Variants in HERC2 observed in about 807,000 individuals in gnomAD.
HERC2 encodes E3 ubiquitin-protein ligase HERC2.
In HERC2, 102 loss-of-function variants were observed where a neutral mutation model predicts 537.7. That is an observed-to-expected ratio of 0.19 (90% CI 0.16 to 0.22). HERC2 has a LOEUF of 0.22. Among genes scored for constraint, HERC2 ranks in the 10% least tolerant of loss-of-function variants. HERC2 has a pLI of 1.00. For synonymous variants in HERC2, 2,224 were observed against 2,466.2 expected, an observed-to-expected ratio of 0.90 and a Z score of 2.91; for missense variants, 4,236 against 6,198.2, an observed-to-expected ratio of 0.68 and a Z score of 10.63.
At chr15:28,126,506 A>G (rs1020972373) in intron 83 of HERC2, among the ~76,000 whole-genome samples, 6 of 152,262 alleles carry the variant, frequency 3.9e-5, no homozygotes, top group Non-Finnish European at 8.8e-5. Context: ...CAATGAGTGG[A>G]TAAAGAAAAT....
At chr15:28,248,412 A>G (rs1903932804) in intron 21 of HERC2, 140 bp downstream of exon 21, 2 of 584,448 alleles carry the variant, frequency 3.4e-6, no homozygotes, top group Non-Finnish European at 6.0e-6. Flanking sequence ...AAAAAAGTGG[A>G]TGCAAAATGA....
intron 2 of HERC2, among the ~76,000 whole-genome samples, chr15:28,319,812 AT>A (rs1334632940): frequency 3.9e-5 from 6 of 152,312 alleles, no homozygotes; most frequent in African/African-American, 1.4e-4. Context: ...TTAAATTACA[AT>A]TATTAAGAAA....
chr15:28,225,937 A>T (rs181379122), intron 35 of HERC2, among the ~76,000 whole-genome samples: 25 of 152,320 alleles, frequency 1.6e-4, no homozygotes, highest in African/African-American at 5.3e-4. Flanking sequence ...AAGTAAAGAG[A>T]TTGAATCAGT....
chr15:28,139,483 G>A (rs1472846153), intron 78 of HERC2, among the ~76,000 whole-genome samples: 7 of 152,176 alleles, frequency 4.6e-5, no homozygotes, highest in African/African-American at 7.2e-5. Context: ...ATCCTTGCTC[G>A]GACAGCCTCA....
At position 28,196,557 on chromosome 15, in the gene HERC2, T is replaced by A; in HGVS notation, c.8024A>T (p.Asn2675Ile). 6.2e-7 allele frequency: 1 copy of A among 1,609,230 alleles called. No individual in the cohort carries two copies. The highest frequency in any genetic ancestry group is 1.1e-5 in the South Asian group (1 of 90,932). The change falls in exon 51 of 93, where the codon AAT becomes ATT. Residue 2675 changes from asparagine (N) to isoleucine (I), a missense_variant. Transcript: ENST00000261609. The stretch of plus-strand genomic sequence containing the variant: ...AAAGTCGACAATGATATCTTTTCCA[T>A]TGGCACTGAAAGCTAGGACAGAACA... Reference protein sequence around the residue: ...SVGVVKAFSANGKDIIVDFPQ... With the variant: ...SVGVVKAFSAIGKDIIVDFPQ...
intron 4 of HERC2, among the ~76,000 whole-genome samples, chr15:28,290,991 A>AAAAC: frequency 6.6e-6 from 1 of 152,352 alleles, no homozygotes; most frequent in African/African-American, 2.4e-5. Flanking sequence ...AATGAAAAAG[A>AAAAC]AAACAAAATC....
At chr15:28,225,692 G>A (rs1184733761) in intron 35 of HERC2, among the ~76,000 whole-genome samples, 10 of 111,346 alleles carry the variant, frequency 9.0e-5, no homozygotes, top group South Asian at 3.0e-4. Context: ...GCAAGACTCC[G>A]TCTCAAAAAA....
chr15:28,121,037 C>T (rs1437076372), intron 86 of HERC2, among the ~76,000 whole-genome samples: 1 of 152,232 alleles, frequency 6.6e-6, no homozygotes, highest in Non-Finnish European at 1.5e-5. Flanking sequence ...CCCAATGTAA[C>T]AGCAGCGGTT....
chr15:28,125,676 T>C (rs896069250), intron 83 of HERC2, among the ~76,000 whole-genome samples: 2 of 152,240 alleles, frequency 1.3e-5, no homozygotes, highest in Admixed American at 6.5e-5. Flanking sequence ...TTATTTATTT[T>C]ATACTTTTTT....
At chr15:28,136,648 A>G (rs914129506) in intron 78 of HERC2, among the ~76,000 whole-genome samples, 120 of 152,378 alleles carry the variant, frequency 7.9e-4, no homozygotes, top group African/African-American at 2.6e-3. Context: ...CCCATGTGCC[A>G]AATCAGGCCC....
In HERC2 at chr15:28,113,401, C is replaced by A; in HGVS notation, c.14020-118G>T. On this transcript the variant is annotated intron_variant, in intron 91 of 92. Transcript: ENST00000261609. The surrounding 1 kb of genome is among the most constrained non-coding windows in gnomAD (Gnocchi z 7.0). ...TTTGGGGTGGGGAAAGGTCTGGGGG[C>A]TCTGGGTGGGCCCACACACAGCCTC... 8.3e-7 allele frequency: 1 copy of A among 1,211,066 alleles called. No individual in the cohort carries two copies. Among genetic ancestry groups the A allele is most frequent in the South Asian group, 1.4e-5 (1 of 73,986 alleles). The allele number at this position is 1,211,066 out of a possible 1,614,324, so 75.0% of individuals were successfully genotyped here. A position where few individuals can be genotyped will look rare whatever the true frequency, so the allele number is the denominator to read the frequency against.
intron 4 of HERC2, among the ~76,000 whole-genome samples, chr15:28,282,877 A>G (rs1413626660): frequency 2.6e-5 from 4 of 151,786 alleles, no homozygotes; most frequent in Admixed American, 6.6e-5. Flanking sequence ...GGTTGCAGTG[A>G]GCCGAGAACG....
chr15:28,308,500 G>C (rs139710407), intron 2 of HERC2, among the ~76,000 whole-genome samples: 3,175 of 152,110 alleles, frequency 0.021, 68 homozygotes, highest in African/African-American at 0.073. Flanking sequence ...TGCAAACAAG[G>C]ATAATTTGAC....
At position 28,265,183 on chromosome 15, in the gene HERC2, A is replaced by G. The variant is rs1220454549; in HGVS notation, c.1870+435T>C. Among the ~76,000 whole-genome samples the G allele has an allele frequency of 3.3e-5, 5 of 152,182 alleles. No individual in the cohort carries two copies. Among genetic ancestry groups the G allele is most frequent in the Non-Finnish European group, 7.3e-5 (5 of 68,036 alleles). ...ATCAAACCTCATCAGGTACCCTTGA[A>G]AAAAGGATGATCTCACTTAGGAACA... On this transcript the variant is annotated intron_variant, in intron 14 of 92. Transcript: ENST00000261609. The surrounding 1 kb of genome is among the most constrained non-coding windows in gnomAD (Gnocchi z 4.0).
intron 44 of HERC2, among the ~76,000 whole-genome samples, chr15:28,207,290 A>G (rs1898582058): frequency 6.6e-6 from 1 of 151,924 alleles, no homozygotes; most frequent in Non-Finnish European, 1.5e-5. Flanking sequence ...ACACGCCACC[A>G]CGCCCGGCTA....
intron 23 of HERC2, among the ~76,000 whole-genome samples, chr15:28,240,432 A>AAAAAT (rs963746707): frequency 7.9e-5 from 12 of 152,276 alleles, no homozygotes; most frequent in Admixed American, 2.6e-4. Context: ...CAAAAATTAA[A>AAAAAT]AAAATAAAAT....
chr15:28,194,590 CA>C (rs1169322452), intron 52 of HERC2, among the ~76,000 whole-genome samples: 1 of 148,420 alleles, frequency 6.7e-6, no homozygotes, highest in Non-Finnish European at 1.5e-5. Flanking sequence ...CAAAACAAAA[CA>C]AAACAAAAAA....
chr15:28,174,837 A>G (rs572068854), intron 64 of HERC2, among the ~76,000 whole-genome samples: 5 of 152,278 alleles, frequency 3.3e-5, no homozygotes, highest in South Asian at 2.1e-4. Context: ...GCTAATACCT[A>G]TAAAAGGAGT....
chr15:28,137,641 T>C (rs143878740), intron 78 of HERC2, among the ~76,000 whole-genome samples: 195 of 152,318 alleles, frequency 1.3e-3, no homozygotes, highest in African/African-American at 4.6e-3. Context: ...AATGTGTATG[T>C]TCTGATTGCT....
Sources: allele counts gnomAD v4.1 joint callset (sites outside exome capture counted in the v4.1 genomes callset), GRCh38; gene constraint gnomAD v4.1.1; non-coding constraint Gnocchi (gnomAD v3.1); transcripts MANE v1.5; gene names NCBI Gene and HGNC (gene_info 2026-07-23, HGNC 2026-07-21).